JAK1: variants seen among roughly 807,000 people sequenced by gnomAD.
JAK1 encodes the protein tyrosine-protein kinase JAK1.
A neutral mutation model predicts 136.6 loss-of-function variants in JAK1; 16 were observed. The ratio of observed to expected loss-of-function variants is 0.12; its 90% CI spans 0.08 to 0.18. The LOEUF is 0.18. Among genes scored for constraint, JAK1 ranks in the 10% least tolerant of loss-of-function variants. JAK1 has a pLI of 1.00. For synonymous variants in JAK1, 492 were observed against 519.5 expected (o/e 0.95, Z 0.72); for missense variants, 859 against 1,450.1 (o/e 0.59, Z 6.62).
At chr1:64,838,406 A>C in intron 21 of JAK1, 59 bp downstream of exon 21, 1 of 1,565,158 alleles carries the variant, frequency 6.4e-7, no homozygotes, top group Non-Finnish European at 8.7e-7. Context: ...TTACAAACCA[A>C]TTACCCAGGA....
chr1:64,926,265 C>A (rs969248578), intron 1 of JAK1, among the ~76,000 whole-genome samples: 1 of 152,124 alleles, frequency 6.6e-6, no homozygotes, highest in African/African-American at 2.4e-5. Flanking sequence ...TGAGTACACA[C>A]TAGATCTTTG....
At chr1:64,877,603 G>C (rs1644693176) in intron 4 of JAK1, among the ~76,000 whole-genome samples, 1 of 151,768 alleles carries the variant, frequency 6.6e-6, no homozygotes, top group Admixed American at 6.6e-5. Flanking sequence ...CCTTTTCTGG[G>C]TATTAGTTTT....
At chr1:64,892,400 CCTCCCA>C (rs1644951882) in intron 1 of JAK1, among the ~76,000 whole-genome samples, 1 of 152,070 alleles carries the variant, frequency 6.6e-6, no homozygotes, top group Non-Finnish European at 1.5e-5. Context: ...CCTGCCTCAG[CCTCCCA>C]AGAAGGTGGG....
Position 64,984,821 on chromosome 1 carries a change from G to C in JAK1, c.-78+59659C>G. On this transcript the variant is annotated intron_variant, in intron 2 of 25. Coordinates refer to the JAK1 transcript ENST00000671954. This position sits in a 1 kb window ranked among gnomAD's most constrained non-coding sequence, Gnocchi z 4.1. ...TAATAAAAACGTAGGCTCCTAAATA[G>C]TAAGCAGCAGAAGGGAAAAGCAATC... The C allele has an allele frequency of 9.0e-7, 1 of 1,115,174 alleles. No homozygotes were observed. The highest frequency in any genetic ancestry group is 1.3e-6 in the Non-Finnish European group (1 of 742,146). 69.1% of individuals were successfully genotyped at this position (1,115,174 alleles called of 1,614,324 possible). A position where few individuals can be genotyped will look rare whatever the true frequency, so the allele number is the denominator to read the frequency against.
At chr1:64,886,564 G>A (rs889112832) in intron 1 of JAK1, among the ~76,000 whole-genome samples, 2 of 152,084 alleles carry the variant, frequency 1.3e-5, no homozygotes, top group East Asian at 1.9e-4. Flanking sequence ...TAACTTCACC[G>A]CATCAAGAAA....
In JAK1 at chr1:64,867,134, T is replaced by G; in HGVS notation, c.722A>C (p.Asn241Thr). ...CTTTAGGAAATCCTTGAAAACATTA[T>G]TTATCCGCATCCTGGTGAGAAGGTT... ...QRNLLTRMRI[N>T]NVFKDFLKEF... The change falls in exon 7 of 25, where the codon AAT becomes ACT. Residue 241 changes from asparagine (N) to threonine (T), a missense_variant. Asn to Thr is a moderately conservative substitution (Grantham distance 65). This residue lies in a region of JAK1 where 353 missense variants were observed against 494.0 expected (regional missense o/e 0.71). Transcript: ENST00000342505. 1 of 1,613,198 alleles carries G rather than the reference T, an allele frequency of 6.2e-7. No homozygotes were observed. The highest frequency in any genetic ancestry group is 8.5e-7 in the Non-Finnish European group (1 of 1,179,254).
At chr1:64,966,162 C>T (rs987534107) in intron 1 of JAK1, among the ~76,000 whole-genome samples, 171 bp downstream of exon 1, 2 of 151,878 alleles carry the variant, frequency 1.3e-5, no homozygotes, top group African/African-American at 4.8e-5. Context: ...AAATCCCCGC[C>T]TTCCCCGCCC....
At chr1:64,947,000 C>T (rs541457706) in intron 1 of JAK1, among the ~76,000 whole-genome samples, 1 of 152,152 alleles carries the variant, frequency 6.6e-6, no homozygotes, top group African/African-American at 2.4e-5. Context: ...AAGAAGTAGC[C>T]AGAGTAGTCA....
intron 1 of JAK1, among the ~76,000 whole-genome samples, chr1:65,056,645 G>A (rs560091524): frequency 6.6e-6 from 1 of 152,126 alleles, no homozygotes; most frequent in Non-Finnish European, 1.5e-5. Context: ...ACACGAGGCC[G>A]GGTGCAGTGG....
At chr1:65,055,065 T>C (rs1314942604) in intron 1 of JAK1, among the ~76,000 whole-genome samples, 2 of 152,228 alleles carry the variant, frequency 1.3e-5, no homozygotes, top group Non-Finnish European at 2.9e-5. Flanking sequence ...CATTGTGTCA[T>C]TAAGCACATT....
chr1:65,034,142 G>A (rs373099540), intron 2 of JAK1, among the ~76,000 whole-genome samples: 10 of 152,342 alleles, frequency 6.6e-5, no homozygotes, highest in South Asian at 2.1e-4. Flanking sequence ...TAAGTACAAC[G>A]TGGGTAGAGA....
intron 2 of JAK1, among the ~76,000 whole-genome samples, chr1:65,041,467 G>C (rs1011882367): frequency 6.6e-6 from 1 of 152,016 alleles, no homozygotes; most frequent in Admixed American, 6.6e-5. Context: ...ATCAGCCCAG[G>C]ACCCTGGATA....
rs534633722 is a variant in JAK1 at position 64,850,770 on chromosome 1, C to T, written c.1755+34G>A. 49 of 1,456,260 alleles carry T rather than the reference C, an allele frequency of 3.4e-5. No individual in the cohort carries two copies. In the South Asian group the frequency reaches 5.0e-4, roughly 15 times the overall value. 90.2% of individuals were successfully genotyped at this position (1,456,260 alleles called of 1,614,324 possible). On this transcript the variant is annotated intron_variant, in intron 12 of 24. Coordinates refer to ENST00000342505, the MANE Select transcript of JAK1 (RefSeq NM_002227.4). ...CTGCTCCATCGTGGGGAGGCAGGAC[C>T]ACAGCTGGCCCACACCCTGCAGCCG...
intron 5 of JAK1, among the ~76,000 whole-genome samples, chr1:64,872,933 C>T (rs553105798): frequency 9.9e-5 from 15 of 151,988 alleles, no homozygotes; most frequent in Admixed American, 5.9e-4. Context: ...TTTTTTCTAG[C>T]GTCTAATCTT....
intron 1 of JAK1, among the ~76,000 whole-genome samples, chr1:64,958,749 C>T (rs1324671194): frequency 6.6e-6 from 1 of 152,112 alleles, no homozygotes; most frequent in Non-Finnish European, 1.5e-5. Context: ...TGTTATATAG[C>T]CTTACTACAA....
chr1:64,957,807 G>A (rs1215666153), intron 1 of JAK1, among the ~76,000 whole-genome samples: 16 of 152,162 alleles, frequency 1.1e-4, no homozygotes, highest in Middle Eastern at 3.4e-3. Flanking sequence ...AGCCGGGCGC[G>A]GTGGCGGGAG....
chr1:64,864,739 C>A (rs1656585509), intron 8 of JAK1, 48 bp downstream of exon 8: 1 of 1,375,290 alleles, frequency 7.3e-7, no homozygotes, highest in African/African-American at 1.4e-5. Context: ...CAGCAATTCT[C>A]CCTCTCATCA....
chr1:64,954,363 C>T (rs942527661), intron 1 of JAK1, among the ~76,000 whole-genome samples: 3 of 152,142 alleles, frequency 2.0e-5, no homozygotes, highest in Non-Finnish European at 4.4e-5. Flanking sequence ...ACAGTAAAAG[C>T]TAATAAATAG....
At chr1:65,018,487 A>AACACACAC (rs556710090) in intron 2 of JAK1, among the ~76,000 whole-genome samples, 25 of 96,050 alleles carry the variant, frequency 2.6e-4, no homozygotes, top group African/African-American at 8.3e-4. Flanking sequence ...AGAGAGAGAG[A>AACACACAC]ACACACACAC....
Sources: gnomAD v4.1 joint callset for allele counts (sites outside exome capture counted in the v4.1 genomes callset) on GRCh38, gnomAD v4.1.1 for gene constraint, gnomAD v4.1.1 regional missense constraint, Gnocchi (gnomAD v3.1) non-coding constraint, MANE v1.5 for transcripts, NCBI Gene and HGNC (gene_info 2026-07-23, HGNC 2026-07-21) for gene names.